Variants in FOXO1 observed in about 807,000 individuals in gnomAD.
The protein encoded by FOXO1 is forkhead box protein O1.
Under a neutral mutation model 44.1 loss-of-function variants are expected in FOXO1, and 6 were observed. The ratio of observed to expected loss-of-function variants is 0.14; its 90% CI spans 0.07 to 0.27. The LOEUF is 0.27. Ranked by LOEUF, FOXO1 falls within the 10% of genes least tolerant of loss-of-function variation. The pLI is 1.00. For synonymous variants in FOXO1, 380 were observed against 362.7 expected (o/e 1.05, Z -0.54); for missense variants, 737 against 888.8 (o/e 0.83, Z 2.17).
intron 1 of FOXO1, among the ~76,000 whole-genome samples, chr13:40,585,334 TGC>T (rs201623798): frequency 7.5e-6 from 1 of 134,158 alleles, no homozygotes; most frequent in African/African-American, 2.9e-5. Context: ...GTATTTCCTC[TGC>T]GCGCGCGCAC....
rs540586153 is a variant in FOXO1 at position 40,565,460 on chromosome 13, A to G, written c.631-4600T>C. ...GCCCCTCCAGAAGCATTTCTTGATG[A>G]CCTCATCCCATCCTGCAGCTCTAAC... is the stretch of plus-strand genomic sequence containing the variant. On this transcript the variant is annotated intron_variant, in intron 1 of 2. Transcript: ENST00000379561. Among the ~76,000 whole-genome samples the G allele has an allele frequency of 1.3e-3, 192 of 152,156 alleles. 2 individuals carry two copies. The highest frequency in any genetic ancestry group is 4.2e-4 in the South Asian group (2 of 4,808).
At chr13:40,603,347 T>C (rs1379278334) in intron 1 of FOXO1, among the ~76,000 whole-genome samples, 2 of 92,626 alleles carry the variant, frequency 2.2e-5, no homozygotes, top group Non-Finnish European at 3.9e-5. Flanking sequence ...AGTTGGCAGA[T>C]GAATCCAAAA....
At position 40,624,523 on chromosome 13, in the gene FOXO1, G is replaced by C. The variant is rs9566554; in HGVS notation, c.630+41060C>G. ...AGTTCTGATTCATACCACATGATAA[G>C]AACAGCACTCTGACTAAAGGGGGTG... On this transcript the variant is annotated intron_variant, in intron 1 of 2. Coordinates refer to ENST00000379561, the MANE Select transcript of FOXO1 (RefSeq NM_002015.4). 1.1e-3 allele frequency among the ~76,000 whole-genome samples: 163 copies of C among 152,212 alleles called. 4 individuals carry two copies. In the East Asian group the frequency reaches 0.019, roughly 18 times the overall value.
chr13:40,665,096 C>G (rs966337987), intron 1 of FOXO1, among the ~76,000 whole-genome samples: 6 of 151,764 alleles, frequency 4.0e-5, no homozygotes, highest in Admixed American at 3.9e-4. Context: ...CACCTGCAGC[C>G]CGGTCCCGGG....
At chr13:40,659,314 C>CAAAAAAAAAAAAAAAAAAA (rs1210028542) in intron 1 of FOXO1, among the ~76,000 whole-genome samples, 2 of 87,604 alleles carry the variant, frequency 2.3e-5, no homozygotes, top group African/African-American at 8.5e-5. Context: ...GACTCCGTCT[C>CAAAAAAAAAAAAAAAAAAA]AAAAAAAAAA....
intron 1 of FOXO1, among the ~76,000 whole-genome samples, chr13:40,580,937 T>C (rs1874932385): frequency 6.6e-6 from 1 of 152,154 alleles, no homozygotes; most frequent in Non-Finnish European, 1.5e-5. Flanking sequence ...TGCTTAGCCT[T>C]CGCCTACACA....
intron 1 of FOXO1, among the ~76,000 whole-genome samples, chr13:40,565,231 G>A (rs186714213): frequency 1.8e-3 from 280 of 152,322 alleles, no homozygotes; most frequent in African/African-American, 6.5e-3. Context: ...CTATTTTGTG[G>A]AAGGAGTAGC....
chr13:40,665,706 G>A lies in FOXO1; in HGVS notation c.507C>T (p.Ile169=), dbSNP rs768939025. ...AWGNLSYADL[I]TKAIESSAEK... ...CCGCCGAGCTCTCGATGGCCTTGGTGATGAGGTCGGCGTAGGACAGGTTGC... is the reference window on the plus strand; with the variant it reads ...CCGCCGAGCTCTCGATGGCCTTGGTAATGAGGTCGGCGTAGGACAGGTTGC... Residue 169 remains isoleucine (I), a synonymous_variant, in exon 1 of 3, where the codon ATC becomes ATT. Transcript: ENST00000379561. The A allele has an allele frequency of 1.9e-6, 3 of 1,540,212 alleles. No individual in the cohort carries two copies. The highest frequency in any genetic ancestry group is 1.7e-4 in the Middle Eastern group (1 of 5,824).
chr13:40,620,296 G>T (rs1369915799), intron 1 of FOXO1: 15 of 1,019,650 alleles, frequency 1.5e-5, no homozygotes, highest in Non-Finnish European at 2.3e-5. Context: ...AACTCATCCA[G>T]AGTAGGGCTA....
chr13:40,582,184 T>C (rs1313010169), intron 1 of FOXO1, among the ~76,000 whole-genome samples: 28 of 152,210 alleles, frequency 1.8e-4, no homozygotes, highest in Admixed American at 1.8e-3. Context: ...AAGGTATGCA[T>C]TATATTGTAG....
At chr13:40,657,844 G>C (rs1366618167) in intron 1 of FOXO1, among the ~76,000 whole-genome samples, 1 of 152,050 alleles carries the variant, frequency 6.6e-6, no homozygotes, top group Non-Finnish European at 1.5e-5. Context: ...GGAAAAAAAA[G>C]GACTCTGACA....
chr13:40,662,731 T>C (rs773360827), intron 1 of FOXO1, among the ~76,000 whole-genome samples: 1 of 152,238 alleles, frequency 6.6e-6, no homozygotes, highest in Non-Finnish European at 1.5e-5. Flanking sequence ...AACTATTTAA[T>C]TAAAGATTCA....
rs1212014580 is a variant in FOXO1 at position 40,557,104 on chromosome 13, T to C, written c.*1945A>G. On this transcript the variant is annotated 3_prime_UTR_variant, in exon 3 of 3. Transcript: ENST00000379561. ...TAGGAAATCTTATCAGGAACACTTG[T>C]GTTCTTGTTAAACATTTAGGAAATA... 6.6e-6 allele frequency: 1 copy of C among 152,214 alleles called. No individual in the cohort carries two copies. The allele number at this position is 152,214 out of a possible 1,614,324, so 9.4% of individuals were successfully genotyped here. A position where few individuals can be genotyped will look rare whatever the true frequency, so the allele number is the denominator to read the frequency against.
chr13:40,583,349 C>A (rs1875028817), intron 1 of FOXO1, among the ~76,000 whole-genome samples: 1 of 152,214 alleles, frequency 6.6e-6, no homozygotes, highest in Admixed American at 6.5e-5. Context: ...CTTCAAGCCA[C>A]CAGCTGCATT....
chr13:40,636,130 G>C (rs1159375645), intron 1 of FOXO1, among the ~76,000 whole-genome samples: 1 of 151,972 alleles, frequency 6.6e-6, no homozygotes, highest in East Asian at 1.9e-4. Context: ...CAGGAGAATC[G>C]CTTGAACCTG....
chr13:40,556,811 A>C lies in FOXO1; in HGVS notation c.*2238T>G, dbSNP rs375498935. On this transcript the variant is annotated 3_prime_UTR_variant, in exon 3 of 3. Transcript: ENST00000379561. ...GCTGTAGTTGCCTCTTTAATGAACA[A>C]ATGGGGGCTCTGAGGTTCCTTGTAT... The C allele has an allele frequency of 1.1e-4, 16 of 152,188 alleles. No individual in the cohort carries two copies. Among genetic ancestry groups the C allele is most frequent in the African/African-American group, 3.6e-4 (15 of 41,450 alleles). The allele number at this position is 152,188 out of a possible 1,614,324, so 9.4% of individuals were successfully genotyped here.
At chr13:40,633,918 C>T (rs1050644557) in intron 1 of FOXO1, among the ~76,000 whole-genome samples, 2 of 152,184 alleles carry the variant, frequency 1.3e-5, no homozygotes, top group East Asian at 1.9e-4. Flanking sequence ...CAAAGGCACA[C>T]ATCAGTAGAA....
chr13:40,652,325 G>A (rs1001946715), intron 1 of FOXO1, among the ~76,000 whole-genome samples: 27 of 142,536 alleles, frequency 1.9e-4, no homozygotes, highest in Middle Eastern at 3.4e-3. Context: ...AGTCTCTGTC[G>A]CCCAGGCTGG....
intron 1 of FOXO1, among the ~76,000 whole-genome samples, chr13:40,593,422 A>C (rs1055453033): frequency 2.0e-5 from 3 of 152,174 alleles, no homozygotes; most frequent in Admixed American, 6.5e-5. Context: ...AAAACAGTTC[A>C]CTTCCAGGGT....
Sources: allele counts gnomAD v4.1 joint callset (sites outside exome capture counted in the v4.1 genomes callset), GRCh38; gene constraint gnomAD v4.1.1; transcripts MANE v1.5; gene names NCBI Gene and HGNC (gene_info 2026-07-23, HGNC 2026-07-21).